FANCI: variants seen among roughly 807,000 people sequenced by gnomAD.
FANCI encodes FA complementation group I.
FANCI carries 156 observed loss-of-function variants against 176.1 expected under a neutral mutation model. The ratio of observed to expected loss-of-function variants is 0.89; its 90% CI spans 0.78 to 1.01. The LOEUF is 1.01. Ranked by LOEUF, FANCI falls within the 50% of genes least tolerant of loss-of-function variation. FANCI has a pLI of 0.00. For missense variants in FANCI, 1,678 were observed against 1,534.1 expected (o/e 1.09, Z -1.57); for synonymous variants, 613 against 541.7 (o/e 1.13, Z -1.83).
At chr15:89,263,192 G>C (rs2052788716) in intron 6 of FANCI, among the ~76,000 whole-genome samples, 1 of 152,176 alleles carries the variant, frequency 6.6e-6, no homozygotes, top group Non-Finnish European at 1.5e-5. Context: ...AATAGAGTTT[G>C]TTTTCCACAA....
Position 89,316,860 on chromosome 15 carries a change from C to T in FANCI, c.*401C>T, listed in dbSNP as rs2055285266. On this transcript the variant is annotated 3_prime_UTR_variant, in exon 38 of 38. Transcript: ENST00000310775. ...ATAGTGCAAATTGGTTAGGATGCCA[C>T]CTCAAGAACTGTAACTGAGAGCTCA... 2 of 1,477,452 alleles carry T rather than the reference C, an allele frequency of 1.4e-6. No individual in the cohort carries two copies. Among genetic ancestry groups the T allele is most frequent in the African/African-American group, 1.4e-5 (1 of 72,154 alleles). 91.5% of individuals were successfully genotyped at this position (1,477,452 alleles called of 1,614,324 possible).
At chr15:89,276,568 G>T in intron 12 of FANCI, 143 bp from the exon 13 acceptor site, 1 of 836,778 alleles carries the variant, frequency 1.2e-6, no homozygotes, top group African/African-American at 1.7e-5. Flanking sequence ...TCTGTCAGAC[G>T]ATGTGTGTAA....
rs1237950570 is a variant in FANCI, at chr15:89,316,617, C to T, written c.*158C>T. The T allele has an allele frequency of 7.3e-6, 8 of 1,101,174 alleles. No homozygotes were observed. The highest frequency in any genetic ancestry group is 9.6e-6 in the Non-Finnish European group (7 of 727,628). 68.2% of individuals were successfully genotyped at this position (1,101,174 alleles called of 1,614,324 possible). On this transcript the variant is annotated 3_prime_UTR_variant, in exon 38 of 38. Coordinates refer to ENST00000310775, the MANE Select transcript of FANCI (RefSeq NM_001113378.2). The stretch of plus-strand genomic sequence containing the variant: ...CTTCAGTTAGAAGGAATCTTCTTGG[C>T]AGGTCCTGCTACTGAAAAATGGCTG...
At chr15:89,312,793 TG>T in intron 34 of FANCI, 110 bp from the exon 35 acceptor site, 1 of 810,368 alleles carries the variant, frequency 1.2e-6, no homozygotes, top group Non-Finnish European at 2.0e-6. Flanking sequence ...CACACCAGCC[TG>T]GGTGACAGCA....
At chr15:89,250,334 C>T (rs1461258480) in intron 2 of FANCI, among the ~76,000 whole-genome samples, 1 of 151,284 alleles carries the variant, frequency 6.6e-6, no homozygotes, top group African/African-American at 2.4e-5. Flanking sequence ...GAAAATGTGG[C>T]ACATCTACAC....
At chr15:89,282,964 T>G in intron 16 of FANCI, 172 bp from the exon 17 acceptor site, 1 of 662,450 alleles carries the variant, frequency 1.5e-6, no homozygotes, top group South Asian at 1.7e-5. Flanking sequence ...TACTATAAAT[T>G]GCTTTGAACA....
intron 18 of FANCI, among the ~76,000 whole-genome samples, chr15:89,288,960 T>G (rs1199541465): frequency 6.6e-6 from 1 of 151,872 alleles, no homozygotes; most frequent in Non-Finnish European, 1.5e-5. Flanking sequence ...TATTATTTTA[T>G]CTGTAGAAAG....
chr15:89,316,484 C>A lies in FANCI; in HGVS notation c.*25C>A. 1 of 1,595,526 alleles carries A rather than the reference C, an allele frequency of 6.3e-7. No individual in the cohort carries two copies. Among genetic ancestry groups the A allele is most frequent in the Non-Finnish European group, 8.6e-7 (1 of 1,169,458 alleles). On this transcript the variant is annotated 3_prime_UTR_variant, in exon 38 of 38. Coordinates refer to ENST00000310775, the MANE Select transcript of FANCI (RefSeq NM_001113378.2). ...AATGAAATGCCTGAGTTAATGTGAA[C>A]TTTGGGGCTTCTGCTTCATTTTTAC...
chr15:89,270,875 A>C (rs62020353), intron 10 of FANCI, among the ~76,000 whole-genome samples: 1 of 152,122 alleles, frequency 6.6e-6, no homozygotes, highest in African/African-American at 2.4e-5. Flanking sequence ...GATGCTAGCC[A>C]TGTCTCTAAA....
At chr15:89,250,799 A>G (rs575754435) in intron 2 of FANCI, among the ~76,000 whole-genome samples, 56 of 151,540 alleles carry the variant, frequency 3.7e-4, no homozygotes, top group Non-Finnish European at 6.3e-4. Flanking sequence ...ATTACAGATA[A>G]CAAAAATACT....
chr15:89,268,374 C>G (rs1172698218), intron 9 of FANCI, 25 bp from the exon 10 acceptor site: 6 of 1,613,836 alleles, frequency 3.7e-6, no homozygotes, highest in Non-Finnish European at 5.1e-6. Context: ...CCTTATAGCT[C>G]ATAACTTTCT....
chr15:89,288,682 C>T (rs1230478925), intron 18 of FANCI, among the ~76,000 whole-genome samples: 2 of 150,432 alleles, frequency 1.3e-5, no homozygotes, highest in Non-Finnish European at 2.9e-5. Context: ...TGCACTAGTG[C>T]AGTCTAACTC....
intron 19 of FANCI, 177 bp downstream of exon 19, chr15:89,290,458 C>T (rs2151692585): frequency 1.6e-6 from 1 of 618,912 alleles, no homozygotes; most frequent in Non-Finnish European, 2.9e-6. Context: ...CACCACTTAC[C>T]TGTCTGCCAT....
intron 34 of FANCI, chr15:89,307,998 A>T: frequency 8.0e-7 from 1 of 1,245,538 alleles, no homozygotes; most frequent in Non-Finnish European, 1.0e-6. Context: ...TCCTCTGGGA[A>T]TGTGAGCAGA....
intron 11 of FANCI, 105 bp downstream of exon 11, chr15:89,273,574 AT>A: frequency 2.7e-6 from 2 of 731,842 alleles, no homozygotes; most frequent in Non-Finnish European, 4.8e-6. Context: ...TTCCTAAACA[AT>A]TTTATCCCCT....
chr15:89,276,034 T>C (rs779440473), intron 12 of FANCI, among the ~76,000 whole-genome samples: 20 of 152,254 alleles, frequency 1.3e-4, no homozygotes, highest in Non-Finnish European at 2.5e-4. Context: ...AATTTATCCA[T>C]AACTGTCTAC....
intron 2 of FANCI, 30 bp downstream of exon 2, chr15:89,247,761 A>G: frequency 6.3e-7 from 1 of 1,587,590 alleles, no homozygotes; most frequent in Non-Finnish European, 8.7e-7. Context: ...TTCTGCTAAA[A>G]GTAAATGTCA....
At chr15:89,303,120 C>T (rs570040035) in intron 27 of FANCI, among the ~76,000 whole-genome samples, 1 of 152,290 alleles carries the variant, frequency 6.6e-6, no homozygotes, top group African/African-American at 2.4e-5. Flanking sequence ...GTTCTGCATC[C>T]TGCTTATTTC....
At chr15:89,276,096 A>G (rs1283623662) in intron 12 of FANCI, among the ~76,000 whole-genome samples, 1 of 152,222 alleles carries the variant, frequency 6.6e-6, no homozygotes, top group African/African-American at 2.4e-5. Context: ...AGGTAGATAT[A>G]ATGGATAAAG....
Sources: allele counts gnomAD v4.1 joint callset (sites outside exome capture counted in the v4.1 genomes callset), GRCh38; gene constraint gnomAD v4.1.1; transcripts MANE v1.5; gene names NCBI Gene and HGNC (gene_info 2026-07-23, HGNC 2026-07-21).